The following ZSWIM5 variants were observed in gnomAD, a reference collection of about 807,000 sequenced individuals.
ZSWIM5 encodes the protein zinc finger SWIM domain-containing protein 5.
Under a neutral mutation model 119.6 loss-of-function variants are expected in ZSWIM5, and 55 were observed. The observed-to-expected ratio is 0.46, with a 90% CI of 0.37 to 0.58. ZSWIM5 has a LOEUF of 0.58. Among genes scored for constraint, ZSWIM5 ranks in the 20% least tolerant of loss-of-function variants. ZSWIM5 has a pLI of 0.00. For synonymous variants in ZSWIM5, 537 were observed against 606.9 expected (o/e 0.88, Z 1.69); for missense variants, 1,193 against 1,512.8 (o/e 0.79, Z 3.51).
intron 1 of ZSWIM5, among the ~76,000 whole-genome samples, chr1:45,131,797 T>TATG (rs1645658766): frequency 6.7e-6 from 1 of 150,076 alleles, no homozygotes; most frequent in African/African-American, 2.4e-5. Context: ...AAGGTAGTAC[T>TATG]ATTATTATTA....
At chr1:45,129,031 G>T (rs953351388) in intron 1 of ZSWIM5, among the ~76,000 whole-genome samples, 1 of 151,628 alleles carries the variant, frequency 6.6e-6, no homozygotes. Flanking sequence ...TTACCCATTC[G>T]CCTACTGACA....
chr1:45,050,079 C>A (rs973960943), intron 5 of ZSWIM5, among the ~76,000 whole-genome samples: 1 of 152,112 alleles, frequency 6.6e-6, no homozygotes, highest in Non-Finnish European at 1.5e-5. Flanking sequence ...AACTGCCAGG[C>A]GCAGTGGCTC....
chr1:45,189,172 AG>A (rs1646076420), intron 1 of ZSWIM5, among the ~76,000 whole-genome samples: 1 of 152,090 alleles, frequency 6.6e-6, no homozygotes, highest in Non-Finnish European at 1.5e-5. Flanking sequence ...AAAATTAGCC[AG>A]GGATGGTAGT....
At chr1:45,113,170 A>T (rs76565824) in intron 1 of ZSWIM5, among the ~76,000 whole-genome samples, 3,138 of 152,306 alleles carry the variant, frequency 0.021, 116 homozygotes, top group African/African-American at 0.072. Context: ...TGCTATGATT[A>T]GTAGTATCAA....
chr1:45,147,584 C>CAAAAAAAA (rs11409330), intron 1 of ZSWIM5, among the ~76,000 whole-genome samples: 1 of 93,324 alleles, frequency 1.1e-5, no homozygotes. Context: ...TTTACACATG[C>CAAAAAAAA]AAAAAAAAAA....
intron 1 of ZSWIM5, among the ~76,000 whole-genome samples, chr1:45,204,404 A>T (rs1646175146): frequency 6.6e-6 from 1 of 152,220 alleles, no homozygotes; most frequent in Non-Finnish European, 1.5e-5. Context: ...TCTTTCAAAA[A>T]TATACACAAA....
chr1:45,048,083 T>C (rs1258333824), intron 5 of ZSWIM5, among the ~76,000 whole-genome samples: 2 of 44,348 alleles, frequency 4.5e-5, no homozygotes, highest in Non-Finnish European at 9.6e-5. Flanking sequence ...TTCTTTTCTC[T>C]TTTTTTTTTT....
At chr1:45,051,811 A>T (rs1645089847) in intron 4 of ZSWIM5, among the ~76,000 whole-genome samples, 1 of 152,148 alleles carries the variant, frequency 6.6e-6, no homozygotes, top group South Asian at 2.1e-4. Flanking sequence ...TAAAACTGAG[A>T]TCATAAAAAT....
At chr1:45,160,324 C>G (rs766615794) in intron 1 of ZSWIM5, among the ~76,000 whole-genome samples, 2 of 152,248 alleles carry the variant, frequency 1.3e-5, no homozygotes, top group African/African-American at 2.4e-5. Context: ...TCTCTTATAG[C>G]TAATTTGAAA....
chr1:45,079,667 T>C (rs1382638553), intron 2 of ZSWIM5, among the ~76,000 whole-genome samples: 5 of 152,044 alleles, frequency 3.3e-5, no homozygotes, highest in Non-Finnish European at 7.4e-5. Flanking sequence ...GCTTTTACTT[T>C]CACTTTTCTC....
chr1:45,056,019 G>A (rs1291952063), intron 4 of ZSWIM5, among the ~76,000 whole-genome samples: 6 of 152,128 alleles, frequency 3.9e-5, no homozygotes, highest in Admixed American at 2.0e-4. Flanking sequence ...ACTGCTAAGC[G>A]TTTTGAAGTA....
At chr1:45,035,547 G>C (rs1004344096) in intron 10 of ZSWIM5, 141 bp downstream of exon 10, 10 of 1,079,866 alleles carry the variant, frequency 9.3e-6, no homozygotes, top group Middle Eastern at 3.1e-4. Context: ...AAAAATATCT[G>C]AGCCATTTTA....
chr1:45,107,379 C>A (rs1204779589), intron 1 of ZSWIM5, among the ~76,000 whole-genome samples: 2 of 151,952 alleles, frequency 1.3e-5, no homozygotes, highest in Admixed American at 6.6e-5. Context: ...TGGCTCACAC[C>A]TGTAATCCCA....
In ZSWIM5 at chr1:45,036,151, T is replaced by G; in HGVS notation, c.2043A>C (p.Ala681=). 1 of 1,614,146 alleles carries G rather than the reference T, an allele frequency of 6.2e-7. No homozygotes were observed. Among genetic ancestry groups the G allele is most frequent in the South Asian group, 1.1e-5 (1 of 91,084 alleles). The change falls in exon 9 of 14, where the codon GCA becomes GCC. Residue 681 remains alanine, a synonymous_variant. Coordinates refer to ENST00000359600, the MANE Select transcript of ZSWIM5 (RefSeq NM_020883.2). The part of the protein sequence containing the change: ...QQRLMPEGLY[A]QDKVCRNEEQ... ...CCTCATTACGGCATACCTTGTCCTG[T>G]GCGTAGAGGCCTTCAGGCATTAACC...
chr1:45,129,569 T>G (rs1452640658), intron 1 of ZSWIM5, among the ~76,000 whole-genome samples: 1 of 152,204 alleles, frequency 6.6e-6, no homozygotes, highest in Non-Finnish European at 1.5e-5. Flanking sequence ...AGTTGTTCAT[T>G]GCTGACATAT....
At chr1:45,094,336 G>A (rs954260046) in intron 1 of ZSWIM5, among the ~76,000 whole-genome samples, 1 of 152,122 alleles carries the variant, frequency 6.6e-6, no homozygotes, top group East Asian at 1.9e-4. Flanking sequence ...TTACAGGCAC[G>A]AGCCACTGTG....
intron 1 of ZSWIM5, among the ~76,000 whole-genome samples, chr1:45,156,285 CAGAG>C (rs1285531864): frequency 6.7e-6 from 1 of 149,006 alleles, no homozygotes; most frequent in Non-Finnish European, 1.5e-5. Flanking sequence ...TGGGGATTAC[CAGAG>C]AGAGAAAGGA....
chr1:45,146,810 T>C (rs1409729331), intron 1 of ZSWIM5, among the ~76,000 whole-genome samples: 2 of 152,178 alleles, frequency 1.3e-5, no homozygotes, highest in Non-Finnish European at 1.5e-5. Flanking sequence ...CTTACTTTCC[T>C]ATGAATATGC....
intron 1 of ZSWIM5, among the ~76,000 whole-genome samples, chr1:45,181,555 C>T (rs1646020125): frequency 6.6e-6 from 1 of 152,068 alleles, no homozygotes; most frequent in Non-Finnish European, 1.5e-5. Context: ...GGCAGGCCAA[C>T]ATTCAGATTC....
Sources: allele counts gnomAD v4.1 joint callset (sites outside exome capture counted in the v4.1 genomes callset), GRCh38; gene constraint gnomAD v4.1.1; transcripts MANE v1.5; gene names NCBI Gene and HGNC (gene_info 2026-07-23, HGNC 2026-07-21).